The following MSR1 variants were observed in gnomAD, a reference collection of about 807,000 sequenced individuals.
MSR1 encodes the protein macrophage scavenger receptor 1.
A neutral mutation model predicts 47.2 loss-of-function variants in MSR1; 53 were observed. The ratio of observed to expected loss-of-function variants is 1.12; its 90% CI spans 0.90 to 1.41. MSR1 has a LOEUF of 1.41. Ranked by LOEUF, MSR1 falls within the 40% of genes most tolerant of loss-of-function variation. The pLI is 0.00. For synonymous variants in MSR1, 239 were observed against 185.6 expected (o/e 1.29, Z -2.34); for missense variants, 786 against 546.9 (o/e 1.44, Z -4.36).
chr8:16,166,029 T>G (rs1281278388), intron 4 of MSR1, among the ~76,000 whole-genome samples: 3 of 152,068 alleles, frequency 2.0e-5, no homozygotes, highest in Non-Finnish European at 4.4e-5. Flanking sequence ...GGGCTAAAAA[T>G]TGCTGCAAGT....
chr8:16,178,790 C>T (rs982324325), intron 1 of MSR1, among the ~76,000 whole-genome samples: 2 of 152,074 alleles, frequency 1.3e-5, no homozygotes, highest in Non-Finnish European at 2.9e-5. Flanking sequence ...TTTTAATGAT[C>T]ACCATTCTAA....
At chr8:16,143,706 A>G (rs1800623440) in intron 7 of MSR1, 95 bp from the exon 8 acceptor site, 2 of 842,532 alleles carry the variant, frequency 2.4e-6, no homozygotes, top group South Asian at 1.4e-5. Context: ...ATTAAAATAT[A>G]ATAGAATGGA....
chr8:16,113,618 T>C (rs1799811699), intron 9 of MSR1, among the ~76,000 whole-genome samples: 1 of 152,120 alleles, frequency 6.6e-6, no homozygotes, highest in Non-Finnish European at 1.5e-5. Context: ...AATGGGTCAA[T>C]ATAGCCTATA....
rs192982043 is a variant in MSR1, at chr8:16,113,077, G to A, written c.1223-2859C>T. Among the ~76,000 whole-genome samples, 36 of 150,910 alleles carry A rather than the reference G, an allele frequency of 2.4e-4. 1 individual carries two copies. In the East Asian group the frequency reaches 5.5e-3, roughly 23 times the overall value. On this transcript the variant is annotated intron_variant, in intron 9 of 9. Coordinates refer to ENST00000262101, the MANE Select transcript of MSR1 (RefSeq NM_138715.3). The stretch of plus-strand genomic sequence containing the variant: ...TGATTCTCCTGCCTCAGCCTCCTGA[G>A]TAGGTGGGATTACAGGTGTGCACCA...
chr8:16,151,369 T>G lies in MSR1; in HGVS notation c.899-1058A>C, dbSNP rs371346179. ...CAAATAACTCTGTAAATGAAGCATA[T>G]GAGATACTTTCATAGAAATCAGGCA... On this transcript the variant is annotated intron_variant, in intron 6 of 9. Transcript: ENST00000262101. Among the ~76,000 whole-genome samples, 66 of 152,226 alleles carry G rather than the reference T, an allele frequency of 4.3e-4. No individual in the cohort carries two copies. The South Asian group carries it at 9.3e-3, about 22-fold the overall frequency.
intron 8 of MSR1, among the ~76,000 whole-genome samples, chr8:16,121,848 T>A (rs1800012922): frequency 6.8e-6 from 1 of 146,142 alleles, no homozygotes; most frequent in Non-Finnish European, 1.5e-5. Context: ...TTCAGTAACT[T>A]CTTTTTCTCC....
intron 1 of MSR1, among the ~76,000 whole-genome samples, 200 bp from the exon 2 acceptor site, chr8:16,178,192 T>A (rs1309600509): frequency 6.6e-6 from 1 of 151,892 alleles, no homozygotes; most frequent in Non-Finnish European, 1.5e-5. Context: ...CATGTTGGTG[T>A]GCTGCACCCA....
At chr8:16,138,117 G>GA (rs1254832599) in intron 8 of MSR1, among the ~76,000 whole-genome samples, 3 of 152,068 alleles carry the variant, frequency 2.0e-5, no homozygotes, top group South Asian at 2.1e-4. Flanking sequence ...AAAATCAAAT[G>GA]AAAAAACAAA....
intron 8 of MSR1, among the ~76,000 whole-genome samples, chr8:16,133,930 T>C (rs1014707713): frequency 6.6e-6 from 1 of 152,184 alleles, no homozygotes; most frequent in African/African-American, 2.4e-5. Flanking sequence ...TTGAGATGTC[T>C]GTGGTGTTGG....
rs979723272 is a variant in MSR1 at position 16,164,987 on chromosome 8, C to T, written c.631-736G>A. Among the ~76,000 whole-genome samples, 27 of 151,944 alleles carry T rather than the reference C, an allele frequency of 1.8e-4. 1 individual carries two copies. Among genetic ancestry groups the T allele is most frequent in the Non-Finnish European group, 3.2e-4 (22 of 67,924 alleles). ...AAAATACTTTAGAGACTGATATTTT[C>T]AGTAATTTAGTGGAATTGAATCTAT... On this transcript the variant is annotated intron_variant, in intron 4 of 9. Transcript: ENST00000262101.
rs539445791 is a variant in MSR1, at chr8:16,131,478, C to T, written c.1034-10872G>A. Among the ~76,000 whole-genome samples, 3 of 115,114 alleles carry T rather than the reference C, an allele frequency of 2.6e-5. No homozygotes were observed. The South Asian group carries it at 8.1e-4, about 31-fold the overall frequency. The allele number at this position is 115,114 out of a possible 152,430, so 75.5% of individuals were successfully genotyped here. A position where few individuals can be genotyped will look rare whatever the true frequency, so the allele number is the denominator to read the frequency against. ...TTTTTTTTTTTTTGTGGTGCAGCAGCTCTCTAATTAGGACCCATTTGTCAA... is the reference window on the plus strand; with the variant it reads ...TTTTTTTTTTTTTGTGGTGCAGCAGTTCTCTAATTAGGACCCATTTGTCAA... On this transcript the variant is annotated intron_variant, in intron 8 of 9. Transcript: ENST00000262101.
chr8:16,155,442 C>A (rs1800979234), intron 5 of MSR1, among the ~76,000 whole-genome samples: 1 of 151,918 alleles, frequency 6.6e-6, no homozygotes, highest in South Asian at 2.1e-4. Flanking sequence ...AGACAGCAGG[C>A]TGGCACAAAG....
In MSR1 at chr8:16,175,252, G is replaced by C; in HGVS notation, c.152C>G (p.Ala51Gly). 6.2e-7 allele frequency: 1 copy of C among 1,614,074 alleles called. No homozygotes were observed. Among genetic ancestry groups the C allele is most frequent in the Admixed American group, 1.7e-5 (1 of 60,020 alleles). The change falls in exon 3 of 10, where the codon GCT (alanine) becomes GGT (glycine). Residue 51 changes from alanine (A) to glycine (G), a missense_variant. Coordinates refer to ENST00000262101, the MANE Select transcript of MSR1 (RefSeq NM_138715.3). ...SLQEKLKSFKAALIALYLLVF... is the reference protein window; with the variant it reads ...SLQEKLKSFKGALIALYLLVF... ...GAGGAGGTAAAGGGCAATCAGTGCAGCTTTGAAGGACTTCAGTTTCTCTTG... is the reference window on the plus strand; with the variant it reads ...GAGGAGGTAAAGGGCAATCAGTGCACCTTTGAAGGACTTCAGTTTCTCTTG...
chr8:16,126,771 G>C (rs1376490121), intron 8 of MSR1, among the ~76,000 whole-genome samples: 1 of 152,080 alleles, frequency 6.6e-6, no homozygotes, highest in Non-Finnish European at 1.5e-5. Context: ...AGCCTAGGCT[G>C]GTCTCCAACT....
In MSR1 at chr8:16,110,193, T is replaced by G. The variant is rs767141709; in HGVS notation, c.1248A>C (p.Glu416Asp). ...GQGTGPIWLN[E>D]VFCFGRESSI... Reference sequence around the variant, plus strand: ...ATGATTCTCTCCCAAAACAAAACACTTCATTCAGCCATATTGGACCAGTAC... The same window carrying G: ...ATGATTCTCTCCCAAAACAAAACACGTCATTCAGCCATATTGGACCAGTAC... The change falls in exon 10 of 10, where the codon GAA becomes GAC. Residue 416 changes from glutamate (E) to aspartate (D), a missense_variant. Physicochemically the swap from Glu to Asp is conservative, Grantham distance 45. Transcript: ENST00000262101. The G allele has an allele frequency of 6.2e-7, 1 of 1,613,586 alleles. No homozygotes were observed. The highest frequency in any genetic ancestry group is 8.5e-7 in the Non-Finnish European group (1 of 1,179,646).
rs1454328534 is a variant in MSR1, at chr8:16,168,739, G to A, written c.349C>T (p.His117Tyr). 1 of 1,614,136 alleles carries A rather than the reference G, an allele frequency of 6.2e-7. No individual in the cohort carries two copies. Among genetic ancestry groups the A allele is most frequent in the East Asian group, 2.2e-5 (1 of 44,860 alleles). Reference sequence around the variant, plus strand: ...ATTCTCTTCTCCATGTTGCTCATGTGTTCCATAAAGACTTCTTGAAATCTC... The same window carrying A: ...ATTCTCTTCTCCATGTTGCTCATGTATTCCATAAAGACTTCTTGAAATCTC... ...EMRFQEVFMEHMSNMEKRIQH... is the reference protein window; with the variant it reads ...EMRFQEVFMEYMSNMEKRIQH... Residue 117 changes from histidine to tyrosine, a missense_variant, in exon 4 of 10, where the codon CAC (histidine) becomes TAC (tyrosine). His to Tyr is a moderately conservative substitution (Grantham distance 83). Coordinates refer to ENST00000262101, the MANE Select transcript of MSR1 (RefSeq NM_138715.3).
intron 3 of MSR1, among the ~76,000 whole-genome samples, chr8:16,169,950 C>G (rs1321827424): frequency 6.6e-6 from 1 of 151,802 alleles, no homozygotes; most frequent in Non-Finnish European, 1.5e-5. Context: ...ATAGATATCC[C>G]CAAATGGGCA....
intron 1 of MSR1, among the ~76,000 whole-genome samples, chr8:16,185,137 T>A (rs1449815896): frequency 8.9e-6 from 1 of 111,844 alleles, no homozygotes; most frequent in Non-Finnish European, 1.8e-5. Flanking sequence ...GCACGAAATG[T>A]TGGTATGTAT....
chr8:16,169,158 C>T (rs954275147), intron 3 of MSR1, among the ~76,000 whole-genome samples: 2 of 152,044 alleles, frequency 1.3e-5, no homozygotes, highest in African/African-American at 4.8e-5. Context: ...TTGATTTTGG[C>T]CTTGCCAATT....
Sources: allele counts gnomAD v4.1 joint callset (sites outside exome capture counted in the v4.1 genomes callset), GRCh38; gene constraint gnomAD v4.1.1; transcripts MANE v1.5; gene names NCBI Gene and HGNC (gene_info 2026-07-23, HGNC 2026-07-21).